The following SNTG1 variants were observed in gnomAD, a reference collection of about 807,000 sequenced individuals.
SNTG1 encodes gamma-1-syntrophin.
In SNTG1, 39 loss-of-function variants were observed where a neutral mutation model predicts 74.7. That is an observed-to-expected ratio of 0.52 (90% confidence interval 0.40 to 0.68). The LOEUF is 0.68. Among genes scored for constraint, SNTG1 ranks in the 30% least tolerant of loss-of-function variants. The probability of loss-of-function intolerance (pLI) is 0.00; values close to 1 mark genes in which losing one functional copy is unlikely to be tolerated. For synonymous variants in SNTG1, 254 were observed against 217.1 expected (o/e 1.17, Z -1.49); for missense variants, 685 against 609.5 (o/e 1.12, Z -1.30).
chr8:50,479,870 T>A (rs1205355479), intron 8 of SNTG1, among the ~76,000 whole-genome samples: 1 of 152,174 alleles, frequency 6.6e-6, no homozygotes, highest in Non-Finnish European at 1.5e-5. Flanking sequence ...ATTACAAAGG[T>A]TTGTCAATAT....
chr8:50,307,998 T>A (rs902719134), intron 2 of SNTG1, among the ~76,000 whole-genome samples: 22 of 151,934 alleles, frequency 1.4e-4, no homozygotes, highest in African/African-American at 5.1e-4. Flanking sequence ...TCAATGAAAA[T>A]ATATGTTGCT....
chr8:50,553,699 T>C (rs1274959379), intron 12 of SNTG1, among the ~76,000 whole-genome samples: 1 of 152,164 alleles, frequency 6.6e-6, no homozygotes, highest in African/African-American at 2.4e-5. Context: ...CAACCGTTGC[T>C]TCCTTCCACA....
At chr8:50,234,544 A>G (rs1399757637) in intron 2 of SNTG1, among the ~76,000 whole-genome samples, 1 of 152,042 alleles carries the variant, frequency 6.6e-6, no homozygotes, top group Non-Finnish European at 1.5e-5. Context: ...ATTTTCTGCA[A>G]TGATATTTTA....
chr8:50,349,493 G>A (rs2091581898), intron 2 of SNTG1, among the ~76,000 whole-genome samples: 1 of 151,896 alleles, frequency 6.6e-6, no homozygotes, highest in South Asian at 2.1e-4. Context: ...TTTTTTCAGT[G>A]AAATTAATTT....
At chr8:50,008,621 A>G (rs1489410442) in intron 1 of SNTG1, among the ~76,000 whole-genome samples, 1 of 152,172 alleles carries the variant, frequency 6.6e-6, no homozygotes, top group Non-Finnish European at 1.5e-5. Flanking sequence ...GATGGATAGG[A>G]AACTGGGTGG....
chr8:50,249,496 G>C lies in SNTG1; in HGVS notation c.-28+76861G>C, dbSNP rs566304029. Among the ~76,000 whole-genome samples the C allele has an allele frequency of 7.2e-5, 11 of 152,330 alleles. No individual in the cohort carries two copies. The South Asian group carries it at 2.1e-3, about 29-fold the overall frequency. On this transcript the variant is annotated intron_variant, in intron 2 of 18. Transcript: ENST00000642720. ...TCCTAGAGGTAAACCCATTTCTCTA[G>C]AGGAACTCTTGCTCAGTTGCTTAAC...
intron 1 of SNTG1, among the ~76,000 whole-genome samples, chr8:50,145,223 C>T (rs36038302): frequency 2.6e-4 from 40 of 152,208 alleles, no homozygotes; most frequent in African/African-American, 9.1e-4. Flanking sequence ...TGAGGAGACT[C>T]TTCATCGAGT....
chr8:50,682,030 TG>T (rs2095332936), intron 15 of SNTG1, among the ~76,000 whole-genome samples: 1 of 152,198 alleles, frequency 6.6e-6, no homozygotes, highest in South Asian at 2.1e-4. Context: ...GAACCACTGT[TG>T]TGACACTGGT....
intron 4 of SNTG1, among the ~76,000 whole-genome samples, chr8:50,409,299 C>T (rs983055): frequency 0.58 from 88,925 of 152,040 alleles, 26,144 homozygotes; most frequent in East Asian, 0.79. Flanking sequence ...AAATATCCAA[C>T]GCATTTACTG....
intron 1 of SNTG1, among the ~76,000 whole-genome samples, chr8:50,029,448 A>G (rs958518123): frequency 6.6e-6 from 1 of 152,040 alleles, no homozygotes; most frequent in Non-Finnish European, 1.5e-5. Flanking sequence ...TACTCATTCT[A>G]TCTAACTGTA....
intron 2 of SNTG1, among the ~76,000 whole-genome samples, chr8:50,183,271 C>T (rs941378577): frequency 7.2e-5 from 11 of 152,194 alleles, no homozygotes; most frequent in East Asian, 1.9e-4. Context: ...TCTTACGCTT[C>T]CGCATTCACA....
chr8:50,469,072 C>T (rs758661648), intron 8 of SNTG1, among the ~76,000 whole-genome samples: 1 of 152,124 alleles, frequency 6.6e-6, no homozygotes, highest in East Asian at 1.9e-4. Flanking sequence ...TGCGTTTATT[C>T]TTTCATTGGC....
chr8:50,300,777 T>C (rs754606827), intron 2 of SNTG1, among the ~76,000 whole-genome samples: 10 of 152,196 alleles, frequency 6.6e-5, no homozygotes, highest in African/African-American at 2.4e-4. Flanking sequence ...CAACAAATTT[T>C]ATCTTTCTTT....
chr8:50,199,211 T>C (rs2083892020), intron 2 of SNTG1, among the ~76,000 whole-genome samples: 1 of 150,408 alleles, frequency 6.6e-6, no homozygotes, highest in Non-Finnish European at 1.5e-5. Flanking sequence ...GATTAGGACT[T>C]AATTTCCTTT....
chr8:50,633,861 G>A (rs2095021069), intron 13 of SNTG1, among the ~76,000 whole-genome samples: 4 of 152,280 alleles, frequency 2.6e-5, no homozygotes, highest in South Asian at 2.1e-4. Context: ...TGCTGTTTAG[G>A]CCTATTGGGA....
At chr8:49,919,271 G>A (rs1806316639) in intron 1 of SNTG1, among the ~76,000 whole-genome samples, 1 of 152,118 alleles carries the variant, frequency 6.6e-6, no homozygotes. Flanking sequence ...ATATTGGGCT[G>A]GATCTTGAAG....
At chr8:50,497,138 T>C (rs755029865) in intron 8 of SNTG1, among the ~76,000 whole-genome samples, 2 of 152,048 alleles carry the variant, frequency 1.3e-5, no homozygotes, top group African/African-American at 2.4e-5. Flanking sequence ...TAGGGTGAGA[T>C]TTTATTATTG....
chr8:50,278,199 T>C (rs1404700561), intron 2 of SNTG1, among the ~76,000 whole-genome samples: 3 of 151,936 alleles, frequency 2.0e-5, no homozygotes, highest in Admixed American at 6.6e-5. Context: ...AAAGGACTTA[T>C]ATTAATTAAT....
chr8:50,109,667 G>T lies in SNTG1; in HGVS notation c.-102-62894G>T, dbSNP rs930530279. 2.6e-5 allele frequency among the ~76,000 whole-genome samples: 4 copies of T among 152,238 alleles called. 1 individual carries two copies. Among genetic ancestry groups the T allele is most frequent in the Admixed American group, 2.6e-4 (4 of 15,278 alleles). On this transcript the variant is annotated intron_variant, in intron 1 of 18. Coordinates refer to ENST00000642720, the MANE Select transcript of SNTG1 (RefSeq NM_018967.5). ...AGGAAGTCCAGGTGTTATCAGGAAG[G>T]GGGAGATCCTCGGTTCTTGGTCTTA... is the stretch of plus-strand genomic sequence containing the variant.
Sources: allele counts gnomAD v4.1 joint callset (sites outside exome capture counted in the v4.1 genomes callset), GRCh38; gene constraint gnomAD v4.1.1; transcripts MANE v1.5; gene names NCBI Gene and HGNC (gene_info 2026-07-23, HGNC 2026-07-21).